Variants in SLMAP observed in about 807,000 individuals in gnomAD.
SLMAP encodes sarcolemmal membrane-associated protein.
SLMAP carries 44 observed loss-of-function variants against 128.8 expected under a neutral mutation model. That is an observed-to-expected ratio of 0.34 (90% CI 0.27 to 0.44). The LOEUF (loss-of-function observed/expected upper bound fraction) is 0.44, where lower values mean the gene tolerates loss of function less well. Among genes scored for constraint, SLMAP ranks in the 20% least tolerant of loss-of-function variants. The pLI, the probability that SLMAP is intolerant of heterozygous loss-of-function variation, is 1.00. For missense variants in SLMAP, 787 were observed against 985.3 expected, an observed-to-expected ratio of 0.80 and a Z score of 2.69; for synonymous variants, 327 against 348.8, an observed-to-expected ratio of 0.94 and a Z score of 0.70.
chr3:57,892,025 T>C (rs1055496203), intron 15 of SLMAP, among the ~76,000 whole-genome samples: 4 of 152,196 alleles, frequency 2.6e-5, no homozygotes, highest in Admixed American at 6.6e-5. Flanking sequence ...TGTAAATGAA[T>C]AGAATATATT....
intron 14 of SLMAP, among the ~76,000 whole-genome samples, chr3:57,872,162 C>A (rs1470876111): frequency 6.6e-6 from 1 of 152,124 alleles, no homozygotes; most frequent in African/African-American, 2.4e-5. Flanking sequence ...AGAGGCCAGG[C>A]GTGGTGGCGC....
intron 4 of SLMAP, among the ~76,000 whole-genome samples, chr3:57,845,669 A>G (rs2094205879): frequency 6.6e-6 from 1 of 152,168 alleles, no homozygotes; most frequent in African/African-American, 2.4e-5. Context: ...CATAAACAGT[A>G]TCTTACAGGG....
intron 13 of SLMAP, among the ~76,000 whole-genome samples, chr3:57,866,447 A>G (rs772814276): frequency 4.6e-5 from 7 of 152,172 alleles, no homozygotes; most frequent in Non-Finnish European, 8.8e-5. Context: ...GTATAGGCTC[A>G]GGTAATTGTG....
At chr3:57,802,195 C>T (rs2088644425) in intron 2 of SLMAP, among the ~76,000 whole-genome samples, 1 of 152,034 alleles carries the variant, frequency 6.6e-6, no homozygotes, top group South Asian at 2.1e-4. Context: ...AATTGCATCA[C>T]TCCCAAAAAA....
chr3:57,833,086 TTCTC>T (rs1229713277), intron 3 of SLMAP, among the ~76,000 whole-genome samples: 4 of 152,340 alleles, frequency 2.6e-5, no homozygotes, highest in South Asian at 2.1e-4. Flanking sequence ...TACATTGTCT[TTCTC>T]TCCAAGGAAT....
chr3:57,901,859 C>G (rs2096389560), intron 17 of SLMAP: 1 of 152,114 alleles, frequency 6.6e-6, no homozygotes, highest in Non-Finnish European at 1.5e-5. Context: ...TGGTGAAACC[C>G]TGTCTCTACT....
intron 1 of SLMAP, 30 bp from the exon 2 acceptor site, chr3:57,756,518 G>T (rs113953200): frequency 0.022 from 3,303 of 152,722 alleles, 58 homozygotes; most frequent in Non-Finnish European, 0.027. Context: ...GGCGCCTGAC[G>T]GCCGTTTGTT....
At chr3:57,830,897 G>T (rs1045081478) in intron 2 of SLMAP, among the ~76,000 whole-genome samples, 1 of 152,128 alleles carries the variant, frequency 6.6e-6, no homozygotes, top group Admixed American at 6.5e-5. Flanking sequence ...GTTATAGCAT[G>T]TTATCAATAC....
rs559333719 is a variant in SLMAP at position 57,779,519 on chromosome 3, A to C, written c.198+21670A>C. ...GTGAGACCCTGTTTCAAAAAAAAAA[A>C]AAAAAACAAAAATAAAATAAAAATG... is the stretch of plus-strand genomic sequence containing the variant. On this transcript the variant is annotated intron_variant, in intron 2 of 24. Transcript: ENST00000671191. Among the ~76,000 whole-genome samples, 27 of 151,856 alleles carry C rather than the reference A, an allele frequency of 1.8e-4. 1 individual carries two copies. The East Asian group carries it at 4.2e-3, about 24-fold the overall frequency.
intron 10 of SLMAP, 67 bp downstream of exon 10, chr3:57,862,153 T>C (rs1016064441): frequency 1.5e-6 from 2 of 1,316,216 alleles, no homozygotes; most frequent in Admixed American, 2.1e-5. Context: ...TAGCTTAAGA[T>C]TTTAGGTATT....
chr3:57,812,697 G>A (rs1670049), intron 2 of SLMAP, among the ~76,000 whole-genome samples: 24,010 of 151,784 alleles, frequency 0.16, 2,443 homozygotes, highest in East Asian at 0.43. Flanking sequence ...TATGATTATG[G>A]GATGTGTTTT....
chr3:57,902,924 AACT>A (rs2096429899), intron 17 of SLMAP, among the ~76,000 whole-genome samples: 1 of 152,168 alleles, frequency 6.6e-6, no homozygotes, highest in African/African-American at 2.4e-5. Flanking sequence ...TCACCCTAGG[AACT>A]GGAGATGCAG....
intron 2 of SLMAP, among the ~76,000 whole-genome samples, chr3:57,761,332 T>C (rs1217379853): frequency 2.0e-5 from 3 of 152,090 alleles, no homozygotes; most frequent in African/African-American, 7.2e-5. Flanking sequence ...TCTGGCTCTG[T>C]CACCCAGGCT....
intron 2 of SLMAP, among the ~76,000 whole-genome samples, chr3:57,771,168 C>T (rs936110477): frequency 8.2e-5 from 12 of 145,724 alleles, no homozygotes; most frequent in Non-Finnish European, 7.6e-5. Flanking sequence ...CCTCCCCTCC[C>T]CTCCCCTCCC....
At chr3:57,860,899 C>T (rs1172285839) in intron 9 of SLMAP, 60 bp downstream of exon 9, 2 of 1,368,618 alleles carry the variant, frequency 1.5e-6, no homozygotes, top group African/African-American at 1.5e-5. Flanking sequence ...AAATCTCAAG[C>T]ATTCCAGGAT....
intron 19 of SLMAP, among the ~76,000 whole-genome samples, chr3:57,911,682 G>A (rs1456443921): frequency 6.6e-6 from 1 of 152,092 alleles, no homozygotes; most frequent in Admixed American, 6.5e-5. Context: ...GTACAGTCCA[G>A]TAGAAAAGAT....
chr3:57,806,430 C>T (rs190768195), intron 2 of SLMAP, among the ~76,000 whole-genome samples: 133 of 152,074 alleles, frequency 8.7e-4, no homozygotes, highest in African/African-American at 3.0e-3. Flanking sequence ...TTATGTACCA[C>T]ATTTTCTTTT....
intron 2 of SLMAP, among the ~76,000 whole-genome samples, chr3:57,805,570 T>G (rs893014649): frequency 1.3e-5 from 2 of 152,196 alleles, no homozygotes; most frequent in Non-Finnish European, 2.9e-5. Context: ...ATTCAGGGCC[T>G]TATTATTTAT....
chr3:57,854,807 G>A (rs985404693), intron 6 of SLMAP, among the ~76,000 whole-genome samples: 2 of 152,080 alleles, frequency 1.3e-5, no homozygotes, highest in East Asian at 1.9e-4. Context: ...GTATGTGGTT[G>A]TATATATACA....
Sources: allele counts gnomAD v4.1 joint callset (sites outside exome capture counted in the v4.1 genomes callset), GRCh38; gene constraint gnomAD v4.1.1; transcripts MANE v1.5; gene names NCBI Gene and HGNC (gene_info 2026-07-23, HGNC 2026-07-21).